Variants in XRCC4 observed in about 807,000 individuals in gnomAD.
The protein encoded by XRCC4 is DNA repair protein XRCC4.
Under a neutral mutation model 39.1 loss-of-function variants are expected in XRCC4, and 28 were observed. That is an observed-to-expected ratio of 0.72 (90% CI 0.53 to 0.98). The LOEUF is 0.98. Among genes scored for constraint, XRCC4 ranks in the 50% least tolerant of loss-of-function variants. The pLI is 0.00. For synonymous variants in XRCC4, 123 were observed against 126.4 expected (o/e 0.97, Z 0.18); for missense variants, 350 against 376.4 (o/e 0.93, Z 0.58).
chr5:83,160,422 A>G (rs968718826), intron 3 of XRCC4, among the ~76,000 whole-genome samples: 1 of 152,178 alleles, frequency 6.6e-6, no homozygotes, highest in Non-Finnish European at 1.5e-5. Flanking sequence ...GGAAAGCAGT[A>G]TCATCAATTC....
chr5:83,219,106 T>C (rs972142875), intron 6 of XRCC4, among the ~76,000 whole-genome samples: 26 of 152,256 alleles, frequency 1.7e-4, no homozygotes, highest in Admixed American at 1.6e-3. Context: ...AGCTTCTCCC[T>C]GTTACATCAA....
At chr5:83,191,258 G>T (rs1048704277) in intron 3 of XRCC4, among the ~76,000 whole-genome samples, 10 of 152,204 alleles carry the variant, frequency 6.6e-5, no homozygotes, top group African/African-American at 2.2e-4. Context: ...TGGTTTGGCT[G>T]TGTCTCCATC....
At chr5:83,120,619 C>A (rs1313511129) in intron 3 of XRCC4, among the ~76,000 whole-genome samples, 1 of 152,200 alleles carries the variant, frequency 6.6e-6, no homozygotes, top group Admixed American at 6.5e-5. Context: ...TGTATATCAG[C>A]ATTTCATTCC....
At chr5:83,129,549 C>T (rs1747454916) in intron 3 of XRCC4, among the ~76,000 whole-genome samples, 1 of 151,954 alleles carries the variant, frequency 6.6e-6, no homozygotes, top group South Asian at 2.1e-4. Flanking sequence ...GGCATTGAAT[C>T]TATAAATTAC....
At chr5:83,203,918 CTTAAA>C (rs1751316592) in intron 5 of XRCC4, among the ~76,000 whole-genome samples, 1 of 151,976 alleles carries the variant, frequency 6.6e-6, no homozygotes, top group Non-Finnish European at 1.5e-5. Flanking sequence ...GTCACCTACA[CTTAAA>C]TTAAAAAACT....
chr5:83,242,162 TTGTG>T (rs60919474), intron 6 of XRCC4, among the ~76,000 whole-genome samples: 15,169 of 145,180 alleles, frequency 0.1, 821 homozygotes, highest in Non-Finnish European at 0.12. Flanking sequence ...CGTATACACA[TTGTG>T]TGTGTGTGTG....
intron 3 of XRCC4, among the ~76,000 whole-genome samples, chr5:83,186,941 A>AT (rs770811313): frequency 0.059 from 5,192 of 87,486 alleles, 1,262 homozygotes; most frequent in East Asian, 0.41. Context: ...TGCTTCTTCC[A>AT]TTTTTTTTTT....
chr5:83,128,614 T>G (rs1175610842), intron 3 of XRCC4, among the ~76,000 whole-genome samples: 1 of 152,162 alleles, frequency 6.6e-6, no homozygotes, highest in Non-Finnish European at 1.5e-5. Context: ...TTCCTAATTC[T>G]CCAGATCTTC....
In XRCC4 at chr5:83,331,571, A is replaced by G. The variant is rs931711771; in HGVS notation, c.894-21560A>G. 2.0e-5 allele frequency among the ~76,000 whole-genome samples: 3 copies of G among 152,260 alleles called. No individual in the cohort carries two copies. In the South Asian group the frequency reaches 6.2e-4, roughly 32 times the overall value. ...GCAAAGAGAAAATCTATGTATATGG[A>G]GTCAGTGCAAACATTTAAACTATAA... On this transcript the variant is annotated intron_variant, in intron 7 of 7. Transcript: ENST00000396027.
At chr5:83,358,160 C>T (rs1347022793), downstream of XRCC4, among the ~76,000 whole-genome samples, 3 of 152,020 alleles carry the variant, frequency 2.0e-5, no homozygotes, top group African/African-American at 7.2e-5. Flanking sequence ...TATGAACTAA[C>T]CTAAAGTGGT....
At chr5:83,333,740 C>A (rs1756507790) in intron 7 of XRCC4, among the ~76,000 whole-genome samples, 1 of 151,212 alleles carries the variant, frequency 6.6e-6, no homozygotes, top group African/African-American at 2.4e-5. Context: ...AAATATTTTA[C>A]TAAATACTCT....
At chr5:83,182,631 C>T (rs575642227) in intron 3 of XRCC4, among the ~76,000 whole-genome samples, 2 of 152,170 alleles carry the variant, frequency 1.3e-5, no homozygotes, top group South Asian at 4.1e-4. Context: ...TGTGTCTCTC[C>T]AAATTCATAT....
chr5:83,359,024 G>A, the XRCC4 span, among the ~76,000 whole-genome samples: 1 of 151,682 alleles, frequency 6.6e-6, no homozygotes, highest in South Asian at 2.1e-4. Context: ...GGGTGAAAAG[G>A]AAAAGCCTTT....
chr5:83,170,709 G>A (rs973988961), intron 3 of XRCC4, among the ~76,000 whole-genome samples: 4 of 141,470 alleles, frequency 2.8e-5, no homozygotes, highest in African/African-American at 8.0e-5. Flanking sequence ...CACTTGATTT[G>A]ATCAGACCCA....
the XRCC4 span, among the ~76,000 whole-genome samples, chr5:83,359,501 G>C: frequency 6.6e-6 from 1 of 152,078 alleles, no homozygotes; most frequent in Non-Finnish European, 1.5e-5. Context: ...TTTGCACACA[G>C]AAGCAGAGCA....
At chr5:83,078,484 G>A (rs1296205773) in intron 1 of XRCC4, among the ~76,000 whole-genome samples, 3 of 152,208 alleles carry the variant, frequency 2.0e-5, no homozygotes, top group Non-Finnish European at 2.9e-5. Flanking sequence ...GAGAGAAAGA[G>A]AGAAGGTAAC....
At chr5:83,334,764 C>A (rs7728486) in intron 7 of XRCC4, among the ~76,000 whole-genome samples, 20,041 of 151,638 alleles carry the variant, frequency 0.13, 3,034 homozygotes, top group African/African-American at 0.37. Flanking sequence ...ATTTTTCTGA[C>A]TTTTCTAAAG....
intron 7 of XRCC4, among the ~76,000 whole-genome samples, chr5:83,312,663 G>A (rs1755745625): frequency 6.6e-6 from 1 of 152,146 alleles, no homozygotes; most frequent in African/African-American, 2.4e-5. Flanking sequence ...GGAGAGTTTT[G>A]AAAGAAGAGG....
intron 3 of XRCC4, among the ~76,000 whole-genome samples, chr5:83,141,010 A>G (rs1748144653): frequency 6.6e-6 from 1 of 152,182 alleles, no homozygotes; most frequent in African/African-American, 2.4e-5. Flanking sequence ...TTTTGTACAA[A>G]TGAGTATGCA....
Sources: allele counts gnomAD v4.1 joint callset (sites outside exome capture counted in the v4.1 genomes callset), GRCh38; gene constraint gnomAD v4.1.1; transcripts MANE v1.5; gene names NCBI Gene and HGNC (gene_info 2026-07-23, HGNC 2026-07-21).